CRACR2A: variants seen among roughly 807,000 people sequenced by gnomAD.
CRACR2A encodes EF-hand calcium-binding domain-containing protein 4B.
Under a neutral mutation model 90.5 loss-of-function variants are expected in CRACR2A, and 79 were observed. The observed-to-expected ratio is 0.87, with a 90% CI of 0.73 to 1.05. CRACR2A has a LOEUF of 1.05. Ranked by LOEUF, CRACR2A falls within the 50% of genes least tolerant of loss-of-function variation. The probability of loss-of-function intolerance (pLI) is 0.00; values close to 1 mark genes in which losing one functional copy is unlikely to be tolerated. For synonymous variants in CRACR2A, 338 were observed against 356.7 expected (o/e 0.95, Z 0.59); for missense variants, 823 against 897.2 (o/e 0.92, Z 1.06).
intron 12 of CRACR2A, 127 bp from the exon 13 acceptor site, chr12:3,641,965 C>T: frequency 1.3e-6 from 1 of 768,088 alleles, no homozygotes; most frequent in South Asian, 1.7e-5. Flanking sequence ...AGGCAGTGTT[C>T]TGGTCTCCCT....
At chr12:3,619,447 T>G in intron 17 of CRACR2A, 75 bp from the exon 18 acceptor site, 1 of 1,169,022 alleles carries the variant, frequency 8.6e-7, no homozygotes, top group Non-Finnish European at 1.2e-6. Flanking sequence ...CAATGCCGGC[T>G]GGACAGATGG....
intron 14 of CRACR2A, among the ~76,000 whole-genome samples, chr12:3,637,540 G>A (rs766161842): frequency 6.6e-6 from 1 of 151,750 alleles, no homozygotes; most frequent in African/African-American, 2.4e-5. Context: ...GCCCAGGCAC[G>A]CCACAGTACC....
At position 3,615,424 on chromosome 12, in the gene CRACR2A, T is replaced by C. The variant is rs191194287; in HGVS notation, c.2127A>G (p.Gln709=). ...TGGTGTCCTCTCTCACTGTGTCTTC[T>C]TGCTCCTTGAGGAACCTGGGAGAGG... ...LLHLARFLKE[Q]EDTVREDTIQ... The change falls in exon 20 of 20, where the codon CAA becomes CAG. Residue 709 remains glutamine (Q), a synonymous_variant. Coordinates refer to ENST00000440314, the MANE Select transcript of CRACR2A (RefSeq NM_001144958.2). 1.1e-4 allele frequency: 172 copies of C among 1,550,842 alleles called. No individual in the cohort carries two copies. The East Asian group carries it at 4.0e-3, about 36-fold the overall frequency.
chr12:3,660,962 T>G (rs534135517), intron 7 of CRACR2A, among the ~76,000 whole-genome samples: 1 of 151,902 alleles, frequency 6.6e-6, no homozygotes, highest in Non-Finnish European at 1.5e-5. Flanking sequence ...CTTCAATAAT[T>G]GAGGAAACAG....
chr12:3,691,204 T>G (rs1254741958), intron 4 of CRACR2A, among the ~76,000 whole-genome samples: 1 of 152,202 alleles, frequency 6.6e-6, no homozygotes, highest in African/African-American at 2.4e-5. Flanking sequence ...GTAAGCTGGT[T>G]ATGCAGACTT....
At chr12:3,727,144 ACT>A (rs1364194213) in intron 2 of CRACR2A, 1 of 121,352 alleles carries the variant, frequency 8.2e-6, no homozygotes, top group Non-Finnish European at 1.6e-5. Flanking sequence ...ACAGAGTGAG[ACT>A]CTGTCTCAAA....
At chr12:3,654,532 T>G in intron 9 of CRACR2A, 133 bp from the exon 10 acceptor site, 1 of 805,662 alleles carries the variant, frequency 1.2e-6, no homozygotes, top group East Asian at 2.8e-5. Context: ...GCCTCAAGCC[T>G]AAATCAGCAT....
intron 1 of CRACR2A, among the ~76,000 whole-genome samples, chr12:3,751,877 G>A (rs1405379521): frequency 6.6e-6 from 1 of 152,044 alleles, no homozygotes; most frequent in Non-Finnish European, 1.5e-5. Context: ...TGCGCATGAA[G>A]TAGCTCTTAT....
At chr12:3,679,508 T>C (rs894655409) in intron 5 of CRACR2A, among the ~76,000 whole-genome samples, 5 of 152,202 alleles carry the variant, frequency 3.3e-5, no homozygotes, top group Non-Finnish European at 7.3e-5. Flanking sequence ...ATCACTAGAC[T>C]TCACATCTAC....
intron 3 of CRACR2A, among the ~76,000 whole-genome samples, chr12:3,704,050 G>T (rs1168141132): frequency 6.6e-6 from 1 of 152,194 alleles, no homozygotes; most frequent in Non-Finnish European, 1.5e-5. Context: ...GTTTAATCCA[G>T]CCATCCTAGT....
chr12:3,640,207 C>A (rs996209651), intron 13 of CRACR2A, among the ~76,000 whole-genome samples: 6 of 152,240 alleles, frequency 3.9e-5, no homozygotes, highest in African/African-American at 1.4e-4. Context: ...GTAGGGACAG[C>A]AGCTACTTTT....
intron 3 of CRACR2A, among the ~76,000 whole-genome samples, chr12:3,703,486 G>A (rs929124938): frequency 2.0e-5 from 3 of 152,140 alleles, no homozygotes; most frequent in Admixed American, 2.0e-4. Context: ...CTTCAAGAAG[G>A]AAACATCTTT....
chr12:3,733,910 C>CACAT (rs1946399163), intron 1 of CRACR2A, among the ~76,000 whole-genome samples: 1 of 143,686 alleles, frequency 7.0e-6, no homozygotes. Context: ...CACACACACA[C>CACAT]ACTTTTCTCT....
chr12:3,679,604 T>A (rs897779821), intron 5 of CRACR2A, among the ~76,000 whole-genome samples: 5 of 152,206 alleles, frequency 3.3e-5, no homozygotes, highest in Middle Eastern at 3.2e-3. Flanking sequence ...CCAAGTCAAT[T>A]AGAAGCTCCT....
chr12:3,627,843 C>A, intron 15 of CRACR2A, 137 bp from the exon 16 acceptor site: 1 of 842,826 alleles, frequency 1.2e-6, no homozygotes, highest in Non-Finnish European at 1.9e-6. Context: ...TCGTGGGAGG[C>A]AAAATGGAGA....
intron 3 of CRACR2A, among the ~76,000 whole-genome samples, chr12:3,704,627 G>A (rs1214681314): frequency 1.3e-5 from 2 of 152,288 alleles, no homozygotes; most frequent in Non-Finnish European, 2.9e-5. Flanking sequence ...GAATGGGTCT[G>A]GGTCAGAACC....
At position 3,673,641 on chromosome 12, in the gene CRACR2A, G is replaced by A. The variant is rs369828948; in HGVS notation, c.525-49C>T. ...TGGAAGTGTGGAGATGAGGCTTCACGGGAAATACAGAGGTTCCCAGACAGG... is the reference window on the plus strand; with the variant it reads ...TGGAAGTGTGGAGATGAGGCTTCACAGGAAATACAGAGGTTCCCAGACAGG... On this transcript the variant is annotated intron_variant, in intron 6 of 19. Transcript: ENST00000440314. 5.5e-5 allele frequency: 87 copies of A among 1,593,448 alleles called. No homozygotes were observed. The African/African-American group carries it at 6.9e-4, about 13-fold the overall frequency.
intron 4 of CRACR2A, among the ~76,000 whole-genome samples, chr12:3,684,906 C>A (rs182262909): frequency 2.7e-4 from 41 of 152,320 alleles, no homozygotes; most frequent in African/African-American, 9.6e-4. Context: ...CAAGGGAGAG[C>A]GGGCCACGCA....
intron 4 of CRACR2A, among the ~76,000 whole-genome samples, chr12:3,692,873 A>C (rs1945673629): frequency 6.6e-6 from 1 of 152,134 alleles, no homozygotes; most frequent in Non-Finnish European, 1.5e-5. Flanking sequence ...CTCCATCACC[A>C]CAGTCATGGG....
Sources: gnomAD v4.1 joint callset for allele counts (sites outside exome capture counted in the v4.1 genomes callset) on GRCh38, gnomAD v4.1.1 for gene constraint, MANE v1.5 for transcripts, NCBI Gene and HGNC (gene_info 2026-07-23, HGNC 2026-07-21) for gene names.